The following MINDY3 variants were observed in gnomAD, a reference collection of about 807,000 sequenced individuals.
MINDY3 encodes the protein MINDY lysine 48 deubiquitinase 3.
A neutral mutation model predicts 69.2 loss-of-function variants in MINDY3; 38 were observed. The observed-to-expected ratio is 0.55, with a 90% CI of 0.42 to 0.72. MINDY3 has a LOEUF of 0.72. Ranked by LOEUF, MINDY3 falls within the 30% of genes least tolerant of loss-of-function variation. The pLI, the probability that MINDY3 is intolerant of heterozygous loss-of-function variation, is 0.00. For missense variants in MINDY3, 522 were observed against 519.0 expected (o/e 1.01, Z -0.06); for synonymous variants, 192 against 180.1 (o/e 1.07, Z -0.53).
At chr10:15,845,812 G>A (rs1455065555) in intron 2 of MINDY3, among the ~76,000 whole-genome samples, 2 of 91,738 alleles carry the variant, frequency 2.2e-5, no homozygotes, top group East Asian at 6.0e-4. Context: ...TGGCCTATGT[G>A]ATTTTTTTTT....
intron 4 of MINDY3, 101 bp downstream of exon 4, chr10:15,841,325 T>C (rs1229110617): frequency 3.4e-6 from 3 of 893,754 alleles, no homozygotes; most frequent in Non-Finnish European, 5.0e-6. Context: ...AAAGAATACA[T>C]GTTATGAAAA....
At chr10:15,823,312 G>GT (rs1476952725) in intron 8 of MINDY3, among the ~76,000 whole-genome samples, 1 of 152,068 alleles carries the variant, frequency 6.6e-6, no homozygotes, top group African/African-American at 2.4e-5. Flanking sequence ...TAGAGACTAC[G>GT]TGAGATCAAC....
At chr10:15,780,544 C>T (rs1836445735) in intron 14 of MINDY3, among the ~76,000 whole-genome samples, 2 of 152,176 alleles carry the variant, frequency 1.3e-5, no homozygotes, top group Admixed American at 1.3e-4. Context: ...TGCCATGACC[C>T]ACCTCCATGG....
chr10:15,798,828 TTAAAG>T (rs1346104539), intron 10 of MINDY3, among the ~76,000 whole-genome samples: 1 of 151,940 alleles, frequency 6.6e-6, no homozygotes, highest in Non-Finnish European at 1.5e-5. Flanking sequence ...TAGAAAGAAA[TTAAAG>T]TAAACCTTAA....
intron 11 of MINDY3, among the ~76,000 whole-genome samples, chr10:15,790,738 AT>A (rs1392853340): frequency 1.3e-5 from 2 of 152,132 alleles, no homozygotes; most frequent in African/African-American, 4.8e-5. Context: ...ATATTTGCAA[AT>A]ATATAATGGC....
At chr10:15,788,625 G>T (rs76194674) in intron 12 of MINDY3, among the ~76,000 whole-genome samples, 2 of 152,032 alleles carry the variant, frequency 1.3e-5, no homozygotes, top group Non-Finnish European at 2.9e-5. Context: ...ATCCACTTAA[G>T]AAGAGTTATT....
At chr10:15,816,286 AAG>A (rs200183180) in intron 10 of MINDY3, among the ~76,000 whole-genome samples, 12,798 of 141,300 alleles carry the variant, frequency 0.091, 1,211 homozygotes, top group African/African-American at 0.29. Flanking sequence ...AAAAATGAAA[AAG>A]AAAAAAAATA....
In MINDY3 at chr10:15,816,980, C is replaced by T. The variant is rs890365276; in HGVS notation, c.802-65G>A. 9.2e-6 allele frequency: 11 copies of T among 1,191,294 alleles called. No homozygotes were observed. The Middle Eastern group carries it at 6.8e-4, about 74-fold the overall frequency. 73.8% of individuals were successfully genotyped at this position (1,191,294 alleles called of 1,614,324 possible). Reference sequence around the variant, plus strand: ...AAAAATTTATACTGCCTCTTATTTGCCCATAAATATCTGAAGCATAAAGTG... The same window carrying T: ...AAAAATTTATACTGCCTCTTATTTGTCCATAAATATCTGAAGCATAAAGTG... On this transcript the variant is annotated intron_variant, in intron 9 of 14. Transcript: ENST00000277632.
intron 8 of MINDY3, among the ~76,000 whole-genome samples, chr10:15,830,028 C>T (rs1239037519): frequency 2.6e-5 from 4 of 152,016 alleles, no homozygotes; most frequent in Non-Finnish European, 2.9e-5. Flanking sequence ...TGGAGAATCT[C>T]GAAGACTCAG....
At chr10:15,788,086 C>CTT (rs1157703809) in intron 12 of MINDY3, among the ~76,000 whole-genome samples, 4 of 151,072 alleles carry the variant, frequency 2.6e-5, no homozygotes, top group African/African-American at 9.8e-5. Context: ...AAAAAAAAAA[C>CTT]TTTCTTCTTT....
At chr10:15,837,745 G>A in intron 5 of MINDY3, 1 of 1,041,792 alleles carries the variant, frequency 9.6e-7, no homozygotes, top group Non-Finnish European at 1.2e-6. Context: ...TCTTTTAAAA[G>A]AAATTAATGT....
chr10:15,844,669 G>C (rs1218964091), intron 2 of MINDY3, among the ~76,000 whole-genome samples: 1 of 152,108 alleles, frequency 6.6e-6, no homozygotes, highest in Non-Finnish European at 1.5e-5. Context: ...CTTTAGAAAA[G>C]ATTCACAGAA....
intron 5 of MINDY3, chr10:15,837,555 T>A (rs759476856): frequency 1.5e-4 from 211 of 1,412,072 alleles, no homozygotes; most frequent in Non-Finnish European, 1.9e-4. Context: ...GCAGGGAACC[T>A]CTTCATCTCT....
intron 12 of MINDY3, among the ~76,000 whole-genome samples, chr10:15,788,450 C>T (rs186787111): frequency 1.3e-5 from 2 of 152,116 alleles, no homozygotes; most frequent in East Asian, 1.9e-4. Context: ...ATTCTAAAAA[C>T]GGTGTCTACC....
Position 15,841,438 on chromosome 10 carries a change from C to T in MINDY3, c.397G>A (p.Val133Met). Residue 133 changes from valine (V) to methionine (M), a missense_variant, in exon 4 of 15, where the codon GTG (valine) becomes ATG (methionine). Val to Met is a conservative substitution (Grantham distance 21). Transcript: ENST00000277632. The stretch of plus-strand genomic sequence containing the variant: ...AAATATATCTTACAAGAATGTTCCA[C>T]TTGGCAACTAGACTCTGCAGGACTC... ...SGSPAESSCQ[V>M]EHSSALAVEE... 1 of 1,607,916 alleles carries T rather than the reference C, an allele frequency of 6.2e-7. No homozygotes were observed. The highest frequency in any genetic ancestry group is 8.5e-7 in the Non-Finnish European group (1 of 1,177,316).
chr10:15,860,269 G>A lies in MINDY3; in HGVS notation c.31C>T (p.Leu11=). MSELTKELME[L]VWGTKSSPGL... is the part of the protein sequence containing the mutation. ...GGGCTGCTCTTGGTGCCCCACACCA[G>A]CTCCATCAGCTCTTTAGTCAGTTCG... Residue 11 remains leucine (L), a synonymous_variant, in exon 1 of 15, where the codon CTG becomes TTG. Coordinates refer to ENST00000277632, the MANE Select transcript of MINDY3 (RefSeq NM_024948.4). 6.2e-7 allele frequency: 1 copy of A among 1,609,490 alleles called. No individual in the cohort carries two copies. Among genetic ancestry groups the A allele is most frequent in the Non-Finnish European group, 8.5e-7 (1 of 1,178,026 alleles).
chr10:15,785,212 GGA>G (rs893759949), intron 13 of MINDY3, among the ~76,000 whole-genome samples: 3 of 152,136 alleles, frequency 2.0e-5, no homozygotes, highest in African/African-American at 7.2e-5. Context: ...AGGCCCAGGT[GGA>G]GAGTGTCTTC....
intron 13 of MINDY3, among the ~76,000 whole-genome samples, chr10:15,783,559 G>GT (rs1836718237): frequency 1.3e-5 from 2 of 151,974 alleles, no homozygotes; most frequent in African/African-American, 4.8e-5. Context: ...ACACTAGTTA[G>GT]TTTTTTACTA....
intron 6 of MINDY3, 27 bp downstream of exon 6, chr10:15,837,177 G>T: frequency 7.5e-7 from 1 of 1,325,710 alleles, no homozygotes; most frequent in Non-Finnish European, 1.1e-6. Context: ...TTAATCAAAG[G>T]CAGAAAAATC....
Sources: allele counts gnomAD v4.1 joint callset (sites outside exome capture counted in the v4.1 genomes callset), GRCh38; gene constraint gnomAD v4.1.1; transcripts MANE v1.5; gene names NCBI Gene and HGNC (gene_info 2026-07-23, HGNC 2026-07-21).